The following TMEM25 variants were observed in gnomAD, a reference collection of about 807,000 sequenced individuals.
TMEM25 encodes 0610039J01Rik.
Under a neutral mutation model 37.0 loss-of-function variants are expected in TMEM25, and 36 were observed. The observed-to-expected ratio is 0.97, with a 90% CI of 0.75 to 1.28. TMEM25 has a LOEUF of 1.28. TMEM25 is among the 50% of genes most tolerant of loss of function. The probability of loss-of-function intolerance (pLI) is 0.00; values close to 1 mark genes in which losing one functional copy is unlikely to be tolerated. For synonymous variants in TMEM25, 197 were observed against 203.7 expected (o/e 0.97, Z 0.28); for missense variants, 444 against 477.9 (o/e 0.93, Z 0.66).
chr11:118,537,727 G>C (rs927276069), downstream of TMEM25, among the ~76,000 whole-genome samples: 3 of 152,124 alleles, frequency 2.0e-5, no homozygotes, highest in East Asian at 5.8e-4. Context: ...TAGGATTGCT[G>C]GATTGAATGG....
At chr11:118,538,234 C>T (rs1157366422), downstream of TMEM25, among the ~76,000 whole-genome samples, 13 of 151,992 alleles carry the variant, frequency 8.6e-5, no homozygotes, top group Admixed American at 6.5e-4. Flanking sequence ...TGCAGGGGTA[C>T]GATCTCAGCT....
chr11:118,534,500 C>T lies in TMEM25; in HGVS notation c.1028-7C>T. 6.2e-7 allele frequency: 1 copy of T among 1,614,194 alleles called. No homozygotes were observed. The highest frequency in any genetic ancestry group is 1.1e-5 in the South Asian group (1 of 91,078). On this transcript the variant is annotated splice_polypyrimidine_tract_variant and splice_region_variant and intron_variant, in intron 8 of 8. Coordinates refer to ENST00000313236, the MANE Select transcript of TMEM25 (RefSeq NM_032780.4). This position sits in a 1 kb window ranked among gnomAD's most constrained non-coding sequence, Gnocchi z 4.6. ...CTGAGTCCCCGCGGGCTTCTTTGAT[C>T]CCGCAGGTTTCATCCGCCTCCCAGT...
Position 118,541,959 on chromosome 11 carries a change from G to A in TMEM25, c.1028-4160G>A, listed in dbSNP as rs144027890. ...TTTTGTAGAGACGTGGTTTCACTTC[G>A]TTCCCCGGCTGGTCTCAAACGTTTG... On this transcript the variant is annotated intron_variant, in intron 8 of 8. Transcript: ENST00000354284. Among the ~76,000 whole-genome samples the A allele has an allele frequency of 4.5e-3, 691 of 152,166 alleles. 4 individuals are homozygous for A. The highest frequency in any genetic ancestry group is 0.016 in the African/African-American group (649 of 41,520).
chr11:118,534,318 T>TCTGGACCCGGAGCCC lies in TMEM25; in HGVS notation c.991_1005dup (p.Leu331_Pro335dup). On this transcript the variant is annotated inframe_insertion, in exon 8 of 9. Transcript: ENST00000313236. This position sits in a 1 kb window ranked among gnomAD's most constrained non-coding sequence, Gnocchi z 4.6. ...CTCAGAACAACAGCCGGCCAGAGCT[T>TCTGGACCCGGAGCCC]CTGGACCCGGAGCCCGGCGGCCTCC... 6.2e-7 allele frequency: 1 copy of TCTGGACCCGGAGCCC among 1,614,154 alleles called. No homozygotes were observed. The highest frequency in any genetic ancestry group is 8.5e-7 in the Non-Finnish European group (1 of 1,180,030).
Position 118,546,415 on chromosome 11 carries a change from C to G in TMEM25, c.*268C>G, listed in dbSNP as rs1039941305. On this transcript the variant is annotated 3_prime_UTR_variant, in exon 9 of 9. Transcript: ENST00000354284. ...CTGGGGTGGGAGGACTGCTTGAGTC[C>G]AGCAGGTTGAGGCTGCAGTGAGCTG... 20 of 443,944 alleles carry G rather than the reference C, an allele frequency of 4.5e-5. No homozygotes were observed. In the Admixed American group the frequency reaches 5.5e-4, roughly 12 times the overall value. 27.5% of individuals were successfully genotyped at this position (443,944 alleles called of 1,614,324 possible).
At chr11:118,546,083 G>C in intron 8 of TMEM25, 1 of 717,712 alleles carries the variant, frequency 1.4e-6, no homozygotes, top group South Asian at 1.5e-5. Flanking sequence ...GGTCATTAGG[G>C]TGGGCCTTAA....
In TMEM25 at chr11:118,531,233, A is replaced by T; in HGVS notation, c.-29A>T. The T allele has an allele frequency of 2.4e-6, 1 of 418,394 alleles. No individual in the cohort carries two copies. The highest frequency in any genetic ancestry group is 4.3e-6 in the Non-Finnish European group (1 of 231,746). 25.9% of individuals were successfully genotyped at this position (418,394 alleles called of 1,614,324 possible). A position where few individuals can be genotyped will look rare whatever the true frequency, so the allele number is the denominator to read the frequency against. ...TCCGGCGGCGCTCGGGGAGGGAGCC[A>T]GGTGAGCCGCCCCGGTGGCGGGGGG... On this transcript the variant is annotated splice_region_variant and 5_prime_UTR_variant, in exon 1 of 9. Coordinates refer to ENST00000313236, the MANE Select transcript of TMEM25 (RefSeq NM_032780.4).
Position 118,533,098 on chromosome 11 carries a change from CT to C in TMEM25, c.565del (p.Trp189GlyfsTer88), listed in dbSNP as rs1555060369. On this transcript the variant is annotated frameshift_variant, in exon 4 of 9. Coordinates refer to ENST00000313236, the MANE Select transcript of TMEM25 (RefSeq NM_032780.4). LOFTEE classifies it high-confidence loss of function. ...FLVLDAQNYP[W>X]LTNHTVQLQL... is the part of the protein sequence containing the mutation. ...TGGTGCTGGATGCGCAGAACTACCC[CT>C]GGCTCACCAACCACACGGTGCAGCT... is the stretch of plus-strand genomic sequence containing the variant. 1.9e-6 allele frequency: 3 copies of C among 1,613,910 alleles called. No individual in the cohort carries two copies. Among genetic ancestry groups the C allele is most frequent in the South Asian group, 1.1e-5 (1 of 91,086 alleles).
downstream of TMEM25, among the ~76,000 whole-genome samples, chr11:118,539,323 A>G (rs565539670): frequency 1.6e-4 from 24 of 152,024 alleles, no homozygotes; most frequent in South Asian, 5.0e-3. Flanking sequence ...GCGTGCCACC[A>G]CACCCAGCTA....
chr11:118,535,135 C>G lies in TMEM25; in HGVS notation c.*555C>G. The G allele has an allele frequency of 9.7e-7, 1 of 1,025,770 alleles. No homozygotes were observed. The highest frequency in any genetic ancestry group is 1.2e-6 in the Non-Finnish European group (1 of 856,240). The allele number at this position is 1,025,770 out of a possible 1,614,324, so 63.5% of individuals were successfully genotyped here. Reference sequence around the variant, plus strand: ...CTGACCCAGCGGTACCGGCCAAGCACAAACGTCCTTTTTGCTGCACACGTC... The same window carrying G: ...CTGACCCAGCGGTACCGGCCAAGCAGAAACGTCCTTTTTGCTGCACACGTC... On this transcript the variant is annotated 3_prime_UTR_variant, in exon 9 of 9. Transcript: ENST00000313236.
In TMEM25 at chr11:118,534,385, C is replaced by T; in HGVS notation, c.1027+30C>T. 6.2e-7 allele frequency: 1 copy of T among 1,612,188 alleles called. No homozygotes were observed. The highest frequency in any genetic ancestry group is 8.5e-7 in the Non-Finnish European group (1 of 1,179,244). ...TGGGGAAGGGGCCTGCCACCCTCCTCCTCTGCCCCCCAGCCCTGTGCTTAT... is the reference window on the plus strand; with the variant it reads ...TGGGGAAGGGGCCTGCCACCCTCCTTCTCTGCCCCCCAGCCCTGTGCTTAT... On this transcript the variant is annotated intron_variant, in intron 8 of 8. Transcript: ENST00000313236. The surrounding 1 kb of genome is among the most constrained non-coding windows in gnomAD (Gnocchi z 4.6).
rs782126960 is a variant in TMEM25 at position 118,534,517 on chromosome 11, C to T, written c.1038C>T (p.Arg346=). The change falls in exon 9 of 9, where the codon CGC becomes CGT. Residue 346 remains arginine (R), a synonymous_variant. Coordinates refer to ENST00000313236, the MANE Select transcript of TMEM25 (RefSeq NM_032780.4). This position sits in a 1 kb window ranked among gnomAD's most constrained non-coding sequence, Gnocchi z 4.6. ...GGLLTSQGFI[R]LPVLGYIYRV... is the part of the protein sequence containing the mutation. ...TCTTTGATCCCGCAGGTTTCATCCG[C>T]CTCCCAGTGCTGGGCTATATCTATC... 3 of 1,614,244 alleles carry T rather than the reference C, an allele frequency of 1.9e-6. No individual in the cohort carries two copies. The highest frequency in any genetic ancestry group is 1.6e-4 in the Middle Eastern group (1 of 6,062).
intron 8 of TMEM25, chr11:118,545,871 G>A (rs781903598): frequency 6.2e-7 from 1 of 1,613,086 alleles, no homozygotes; most frequent in Non-Finnish European, 8.5e-7. Flanking sequence ...GGGCATGGAA[G>A]GACCAAAGTC....
At chr11:118,545,351 A>G in intron 8 of TMEM25, 1 of 1,241,532 alleles carries the variant, frequency 8.1e-7, no homozygotes, top group South Asian at 1.2e-5. Context: ...GGCTCAGAAC[A>G]GTAGAAACTA....
Position 118,534,422 on chromosome 11 carries a change from C to T in TMEM25, c.1027+67C>T, listed in dbSNP as rs549893527. The stretch of plus-strand genomic sequence containing the variant: ...AGCCCTGTGCTTATGCCAGAGGCCT[C>T]CAAGTGCCCAGGAGGCAGAGAGAGC... On this transcript the variant is annotated intron_variant, in intron 8 of 8. Transcript: ENST00000313236. The surrounding 1 kb of genome is among the most constrained non-coding windows in gnomAD (Gnocchi z 4.6). 2 of 1,610,024 alleles carry T rather than the reference C, an allele frequency of 1.2e-6. No individual in the cohort carries two copies. Among genetic ancestry groups the T allele is most frequent in the Non-Finnish European group, 1.7e-6 (2 of 1,177,890 alleles).
chr11:118,542,019 G>A (rs1260507104), intron 8 of TMEM25, among the ~76,000 whole-genome samples: 5 of 152,220 alleles, frequency 3.3e-5, no homozygotes, highest in African/African-American at 1.2e-4. Flanking sequence ...GCCTCCCAAA[G>A]TGCTGGGATT....
downstream of TMEM25, among the ~76,000 whole-genome samples, chr11:118,539,492 A>G (rs2135432108): frequency 6.6e-6 from 1 of 152,142 alleles, no homozygotes; most frequent in East Asian, 1.9e-4. Context: ...GCCTAGACCA[A>G]TGTCCAGGAG....
At chr11:118,545,267 T>C (rs1268201222) in intron 8 of TMEM25, 26 of 762,942 alleles carry the variant, frequency 3.4e-5, no homozygotes, top group Admixed American at 2.5e-4. Flanking sequence ...CCTCCTTTGC[T>C]CTCCTAATTA....
downstream of TMEM25, among the ~76,000 whole-genome samples, chr11:118,539,925 G>A (rs561549547): frequency 1.5e-4 from 22 of 150,366 alleles, no homozygotes; most frequent in African/African-American, 5.1e-4. Context: ...GGAGGCTGAG[G>A]CATGAGAATT....
Sources: allele counts gnomAD v4.1 joint callset (sites outside exome capture counted in the v4.1 genomes callset), GRCh38; gene constraint gnomAD v4.1.1; non-coding constraint Gnocchi (gnomAD v3.1); transcripts MANE v1.5; gene names NCBI Gene and HGNC (gene_info 2026-07-23, HGNC 2026-07-21).